The following FHOD3 variants were observed in gnomAD, a reference collection of about 807,000 sequenced individuals.
FHOD3 encodes the protein FH1/FH2 domain-containing protein 3.
In FHOD3, 90 loss-of-function variants were observed where a neutral mutation model predicts 173.0. The observed-to-expected ratio is 0.52, with a 90% CI of 0.44 to 0.62. The LOEUF is 0.62. FHOD3 is among the 20% of genes least tolerant of loss of function. The probability of loss-of-function intolerance (pLI) is 0.00; values close to 1 mark genes in which losing one functional copy is unlikely to be tolerated. For synonymous variants in FHOD3, 828 were observed against 823.0 expected, an observed-to-expected ratio of 1.01 and a Z score of -0.10; for missense variants, 1,945 against 2,034.7, an observed-to-expected ratio of 0.96 and a Z score of 0.85.
intron 3 of FHOD3, among the ~76,000 whole-genome samples, chr18:36,409,757 G>A (rs1019101177): frequency 8.5e-5 from 13 of 152,206 alleles, no homozygotes; most frequent in African/African-American, 3.1e-4. Flanking sequence ...GAGCTCTGGG[G>A]GTGTGGCCTG....
chr18:36,730,907 C>A, intron 20 of FHOD3, 103 bp downstream of exon 20: 1 of 1,215,344 alleles, frequency 8.2e-7, no homozygotes, highest in Non-Finnish European at 1.2e-6. Context: ...CTTTCTGTCT[C>A]AACTAGACTC....
chr18:36,647,401 G>A (rs1261314215), intron 10 of FHOD3, among the ~76,000 whole-genome samples: 1 of 152,146 alleles, frequency 6.6e-6, no homozygotes. Flanking sequence ...AAAGCACAGT[G>A]AGACATCACT....
rs59461055 is a variant in FHOD3 at position 36,513,181 on chromosome 18, TA to T, written c.511+652del. Among the ~76,000 whole-genome samples, 246 of 141,812 alleles carry T rather than the reference TA, an allele frequency of 1.7e-3. 1 individual carries two copies. Among genetic ancestry groups the T allele is most frequent in the African/African-American group, 3.8e-3 (145 of 38,154 alleles). The allele number at this position is 141,812 out of a possible 152,430, so 93.0% of individuals were successfully genotyped here. A position where few individuals can be genotyped will look rare whatever the true frequency, so the allele number is the denominator to read the frequency against. On this transcript the variant is annotated intron_variant, in intron 5 of 28. Transcript: ENST00000590592. ...TTCATATAAATTTCATTTGATCCTGTAAAAAAAAAAAAAACAAATAACAAAC... is the reference window on the plus strand; with the variant it reads ...TTCATATAAATTTCATTTGATCCTGTAAAAAAAAAAAAACAAATAACAAAC...
At chr18:36,684,472 A>G (rs1241843675) in intron 15 of FHOD3, among the ~76,000 whole-genome samples, 1 of 152,168 alleles carries the variant, frequency 6.6e-6, no homozygotes, top group East Asian at 1.9e-4. Context: ...ATACTCTTGA[A>G]ACAAATGAAA....
At chr18:36,392,373 G>C (rs1291829829) in intron 3 of FHOD3, among the ~76,000 whole-genome samples, 1 of 152,202 alleles carries the variant, frequency 6.6e-6, no homozygotes, top group African/African-American at 2.4e-5. Context: ...GAGCCGAGCT[G>C]AAATATCAGA....
intron 7 of FHOD3, among the ~76,000 whole-genome samples, chr18:36,598,257 G>A (rs1159169434): frequency 8.6e-5 from 13 of 151,974 alleles, no homozygotes; most frequent in Non-Finnish European, 1.9e-4. Context: ...AGTTTCTTTC[G>A]GATAATGAAA....
At chr18:36,662,812 C>T (rs2036902154) in intron 14 of FHOD3, among the ~76,000 whole-genome samples, 1 of 152,156 alleles carries the variant, frequency 6.6e-6, no homozygotes, top group Non-Finnish European at 1.5e-5. Flanking sequence ...AGCTCTGGAA[C>T]TTCTATAATT....
chr18:36,759,254 T>C (rs2042767953), intron 26 of FHOD3, 113 bp downstream of exon 26: 3 of 1,173,574 alleles, frequency 2.6e-6, no homozygotes, highest in South Asian at 2.7e-5. Context: ...CTTTAAACAA[T>C]GCATGGACAT....
chr18:36,742,307 G>A (rs1475531145), intron 21 of FHOD3, among the ~76,000 whole-genome samples: 1 of 152,166 alleles, frequency 6.6e-6, no homozygotes, highest in Non-Finnish European at 1.5e-5. Context: ...AGTGCCTTGA[G>A]GGGAGGAGGA....
At chr18:36,329,317 C>T (rs2044855013) in intron 1 of FHOD3, among the ~76,000 whole-genome samples, 1 of 152,112 alleles carries the variant, frequency 6.6e-6, no homozygotes, top group South Asian at 2.1e-4. Flanking sequence ...TCTTGTACCC[C>T]CACCCCCAAA....
At chr18:36,758,913 G>A (rs986906132) in intron 25 of FHOD3, among the ~76,000 whole-genome samples, 2 of 152,186 alleles carry the variant, frequency 1.3e-5, no homozygotes, top group African/African-American at 4.8e-5. Flanking sequence ...GGGTGATCTT[G>A]GAGTTCACAC....
intron 1 of FHOD3, among the ~76,000 whole-genome samples, chr18:36,320,206 G>A (rs545956034): frequency 6.6e-6 from 1 of 152,032 alleles, no homozygotes; most frequent in Non-Finnish European, 1.5e-5. Flanking sequence ...CTGGTTTTTG[G>A]AAAAGATCAG....
intron 1 of FHOD3, among the ~76,000 whole-genome samples, chr18:36,312,555 G>T (rs2092284756): frequency 2.0e-5 from 3 of 152,162 alleles, no homozygotes; most frequent in Admixed American, 6.5e-5. Context: ...TTGCCAGCCA[G>T]TTGCCCAAAC....
At chr18:36,624,894 G>A (rs1018461193) in intron 9 of FHOD3, among the ~76,000 whole-genome samples, 30 of 152,226 alleles carry the variant, frequency 2.0e-4, no homozygotes, top group African/African-American at 7.0e-4. Context: ...AAAACTACAG[G>A]CTCCACTCCA....
At chr18:36,348,153 T>C (rs1461490153) in intron 1 of FHOD3, among the ~76,000 whole-genome samples, 1 of 152,252 alleles carries the variant, frequency 6.6e-6, no homozygotes, top group Non-Finnish European at 1.5e-5. Flanking sequence ...TTTCCTAACA[T>C]TTTTTGCTTG....
Position 36,453,072 on chromosome 18 carries a change from G to A in FHOD3, c.338-48860G>A, listed in dbSNP as rs946718660. 1.2e-4 allele frequency among the ~76,000 whole-genome samples: 18 copies of A among 152,102 alleles called. No individual in the cohort carries two copies. The East Asian group carries it at 3.5e-3, about 29-fold the overall frequency. On this transcript the variant is annotated intron_variant, in intron 3 of 28. Transcript: ENST00000590592. ...CAGAAGTTGGATACTAGGGAAAACTGTATGAAGGTTCCTCAAAAAATCAAA... is the reference window on the plus strand; with the variant it reads ...CAGAAGTTGGATACTAGGGAAAACTATATGAAGGTTCCTCAAAAAATCAAA...
Position 36,625,543 on chromosome 18 carries a change from C to G in FHOD3, c.990C>G (p.Thr330=). The change falls in exon 10 of 29, where the codon ACC becomes ACG. Residue 330 remains threonine, a synonymous_variant. Coordinates refer to ENST00000590592, the MANE Select transcript of FHOD3 (RefSeq NM_001281740.3). Reference sequence around the variant, plus strand: ...TCAGGCACGAGGATGGCGATGAGACCACGGAGCCACCCCCCAGTGGGTGCC... The same window carrying G: ...TCAGGCACGAGGATGGCGATGAGACGACGGAGCCACCCCCCAGTGGGTGCC... ...VALRHEDGDE[T]TEPPPSGCRD... 6.7e-7 allele frequency: 1 copy of G among 1,489,732 alleles called. No homozygotes were observed. The highest frequency in any genetic ancestry group is 9.0e-7 in the Non-Finnish European group (1 of 1,108,544). The allele number at this position is 1,489,732 out of a possible 1,614,324, so 92.3% of individuals were successfully genotyped here. A position where few individuals can be genotyped will look rare whatever the true frequency, so the allele number is the denominator to read the frequency against.
At chr18:36,653,275 G>C in intron 12 of FHOD3, 67 bp from the exon 13 acceptor site, 1 of 1,251,524 alleles carries the variant, frequency 8.0e-7, no homozygotes, top group Non-Finnish European at 1.1e-6. Flanking sequence ...TGACGCTGAA[G>C]AATGTATCAA....
At chr18:36,494,872 T>C (rs1599377473) in intron 3 of FHOD3, among the ~76,000 whole-genome samples, 1 of 152,306 alleles carries the variant, frequency 6.6e-6, no homozygotes, top group South Asian at 2.1e-4. Context: ...GAGAAAGAGA[T>C]AGAATTTCTG....
Sources: gnomAD v4.1 joint callset for allele counts (sites outside exome capture counted in the v4.1 genomes callset) on GRCh38, gnomAD v4.1.1 for gene constraint, MANE v1.5 for transcripts, NCBI Gene and HGNC (gene_info 2026-07-23, HGNC 2026-07-21) for gene names.